The following NOS1 variants were observed in gnomAD, a reference collection of about 807,000 sequenced individuals.
NOS1 encodes the protein nitric oxide synthase 1.
NOS1 carries 51 observed loss-of-function variants against 164.5 expected under a neutral mutation model. The observed-to-expected ratio is 0.31, with a 90% CI of 0.25 to 0.39. The LOEUF (loss-of-function observed/expected upper bound fraction) is 0.39. NOS1 is among the 10% of genes least tolerant of loss of function. The pLI is 1.00. For missense variants in NOS1, 1,362 were observed against 1,885.6 expected, an observed-to-expected ratio of 0.72 and a Z score of 5.14; for synonymous variants, 719 against 745.8, an observed-to-expected ratio of 0.96 and a Z score of 0.59.
chr12:117,269,842 C>T (rs980923474), intron 10 of NOS1, among the ~76,000 whole-genome samples: 2 of 152,164 alleles, frequency 1.3e-5, no homozygotes, highest in African/African-American at 4.8e-5. Context: ...TTCATCTATC[C>T]TACTCTACCC....
Position 117,234,481 on chromosome 12 carries a change from T to C in NOS1, c.3235+84A>G, listed in dbSNP as rs1869531113. 2 of 1,411,126 alleles carry C rather than the reference T, an allele frequency of 1.4e-6. No homozygotes were observed. Among genetic ancestry groups the C allele is most frequent in the East Asian group, 2.3e-5 (1 of 43,288 alleles). The allele number at this position is 1,411,126 out of a possible 1,614,324, so 87.4% of individuals were successfully genotyped here. A position where few individuals can be genotyped will look rare whatever the true frequency, so the allele number is the denominator to read the frequency against. On this transcript the variant is annotated intron_variant, in intron 21 of 28. Coordinates refer to ENST00000317775, the MANE Select transcript of NOS1 (RefSeq NM_000620.5). This position sits in a 1 kb window ranked among gnomAD's most constrained non-coding sequence, Gnocchi z 4.3. The stretch of plus-strand genomic sequence containing the variant: ...CCCACTCTCCTGCCTGGACTGGTGA[T>C]TGGGAAGAAAAGGTATCTTCTTCCC...
chr12:117,324,250 C>T (rs538242952), intron 2 of NOS1, among the ~76,000 whole-genome samples: 34 of 152,254 alleles, frequency 2.2e-4, no homozygotes, highest in African/African-American at 7.5e-4. Context: ...CAGACACTCT[C>T]GGAAGAGGTT....
intron 27 of NOS1, among the ~76,000 whole-genome samples, chr12:117,219,444 C>A (rs577870388): frequency 2.0e-5 from 3 of 152,212 alleles, no homozygotes; most frequent in African/African-American, 7.2e-5. Context: ...GTAGCTGGGG[C>A]TACAGGTGCC....
At position 117,269,460 on chromosome 12, in the gene NOS1, A is replaced by ATTT. The variant is rs200222625; in HGVS notation, c.1840-1319_1840-1317dup. On this transcript the variant is annotated intron_variant, in intron 10 of 28. Coordinates refer to ENST00000317775, the MANE Select transcript of NOS1 (RefSeq NM_000620.5). Reference sequence around the variant, plus strand: ...GGCCCAGGGGGCAGGATCTCTGGAGATTTGTTTTTTTTTTTTTTTTTTTTT... The same window carrying ATTT: ...GGCCCAGGGGGCAGGATCTCTGGAGATTTTTTGTTTTTTTTTTTTTTTTTTTTT... Among the ~76,000 whole-genome samples the ATTT allele has an allele frequency of 9.0e-4, 99 of 110,006 alleles. 12 individuals carry two copies. Among genetic ancestry groups the ATTT allele is most frequent in the Non-Finnish European group, 8.4e-4 (50 of 59,390 alleles). The allele number at this position is 110,006 out of a possible 152,430, so 72.2% of individuals were successfully genotyped here.
intron 10 of NOS1, among the ~76,000 whole-genome samples, chr12:117,268,958 A>C (rs1353854726): frequency 6.6e-6 from 1 of 152,164 alleles, no homozygotes; most frequent in Non-Finnish European, 1.5e-5. Context: ...AAAATTTAAA[A>C]AGTTAAAATT....
intron 3 of NOS1, among the ~76,000 whole-genome samples, chr12:117,290,863 T>C (rs1330739586): frequency 6.6e-6 from 1 of 152,062 alleles, no homozygotes; most frequent in Non-Finnish European, 1.5e-5. Flanking sequence ...GGCCTTTCTG[T>C]GACAGTCCAA....
intron 27 of NOS1, among the ~76,000 whole-genome samples, chr12:117,218,797 G>T (rs1044911351): frequency 6.6e-6 from 1 of 152,080 alleles, no homozygotes; most frequent in African/African-American, 2.4e-5. Context: ...CAAGCTATGG[G>T]AGCTCCTGTG....
At chr12:117,344,867 G>A (rs1188424089) in intron 1 of NOS1, among the ~76,000 whole-genome samples, 1 of 152,176 alleles carries the variant, frequency 6.6e-6, no homozygotes, top group Admixed American at 6.5e-5. Context: ...AACAAGGGTA[G>A]AAGTCACTGG....
chr12:117,212,943 T>C lies in NOS1; in HGVS notation c.*2366A>G. ...GCCTGGAGTTGTGAAGCAGCTTGTGTTGGGGATTGAAAGGTGTTTACTTAA... is the reference window on the plus strand; with the variant it reads ...GCCTGGAGTTGTGAAGCAGCTTGTGCTGGGGATTGAAAGGTGTTTACTTAA... On this transcript the variant is annotated 3_prime_UTR_variant, in exon 29 of 29. Transcript: ENST00000317775. 2 of 985,286 alleles carry C rather than the reference T, an allele frequency of 2.0e-6. No homozygotes were observed. The highest frequency in any genetic ancestry group is 2.4e-6 in the Non-Finnish European group (2 of 829,904). The allele number at this position is 985,286 out of a possible 1,614,324, so 61.0% of individuals were successfully genotyped here.
At chr12:117,307,895 A>G (rs1874232821) in intron 3 of NOS1, among the ~76,000 whole-genome samples, 1 of 151,866 alleles carries the variant, frequency 6.6e-6, no homozygotes, top group African/African-American at 2.4e-5. Context: ...CACACCTGTA[A>G]TTCCAGCTAC....
At chr12:117,293,467 C>T (rs1873196968) in intron 3 of NOS1, among the ~76,000 whole-genome samples, 1 of 152,114 alleles carries the variant, frequency 6.6e-6, no homozygotes. Context: ...CTCCTCTCCC[C>T]TTCCACTGGC....
At chr12:117,338,683 T>C (rs192537046) in intron 1 of NOS1, among the ~76,000 whole-genome samples, 2 of 152,258 alleles carry the variant, frequency 1.3e-5, no homozygotes, top group Admixed American at 1.3e-4. Context: ...GAGGCAGATC[T>C]CTATCTGCAA....
At chr12:117,259,284 C>G (rs1238592998) in intron 14 of NOS1, among the ~76,000 whole-genome samples, 154 bp from the exon 15 acceptor site, 1 of 152,094 alleles carries the variant, frequency 6.6e-6, no homozygotes, top group African/African-American at 2.4e-5. Flanking sequence ...GAAGGAGAAC[C>G]AAAAGATCTG....
rs1278581110 is a variant in NOS1, at chr12:117,208,482, G to A, written c.*6827C>T. On this transcript the variant is annotated 3_prime_UTR_variant, in exon 29 of 29. Coordinates refer to ENST00000317775, the MANE Select transcript of NOS1 (RefSeq NM_000620.5). ...TTCCCAAGCCCGGAACGGACACTGCGACGTGGGGTGCCCGGCACCGCTCTT... is the reference window on the plus strand; with the variant it reads ...TTCCCAAGCCCGGAACGGACACTGCAACGTGGGGTGCCCGGCACCGCTCTT... The A allele has an allele frequency of 5.5e-6, 7 of 1,263,704 alleles. No homozygotes were observed. The highest frequency in any genetic ancestry group is 7.2e-6 in the Non-Finnish European group (7 of 973,258). The allele number at this position is 1,263,704 out of a possible 1,614,324, so 78.3% of individuals were successfully genotyped here. A position where few individuals can be genotyped will look rare whatever the true frequency, so the allele number is the denominator to read the frequency against.
chr12:117,219,412 T>G (rs771258461), intron 27 of NOS1, among the ~76,000 whole-genome samples: 2 of 152,044 alleles, frequency 1.3e-5, no homozygotes, highest in Non-Finnish European at 2.9e-5. Context: ...GTTCAAGCAA[T>G]TCTCCTTCCT....
rs61154584 is a variant in NOS1, at chr12:117,279,386, C to A, written c.1525-1288G>T. 7.2e-3 allele frequency among the ~76,000 whole-genome samples: 1,075 copies of A among 149,998 alleles called. 79 individuals are homozygous for A. The East Asian group carries it at 0.18, about 25-fold the overall frequency. On this transcript the variant is annotated intron_variant, in intron 8 of 28. Transcript: ENST00000317775. The stretch of plus-strand genomic sequence containing the variant: ...CCATCTCAAAAAACAAAAAAAAAAC[C>A]AAAAAAAACAAACCAAGATCAATGA...
intron 13 of NOS1, among the ~76,000 whole-genome samples, chr12:117,262,450 G>A (rs1489423797): frequency 1.4e-5 from 2 of 143,478 alleles, no homozygotes; most frequent in African/African-American, 5.3e-5. Flanking sequence ...GAGAGAGACA[G>A]AGAGAGGAGA....
At chr12:117,312,857 T>TATCATC (rs751741432) in intron 2 of NOS1, among the ~76,000 whole-genome samples, 1 of 151,900 alleles carries the variant, frequency 6.6e-6, no homozygotes, top group African/African-American at 2.4e-5. Flanking sequence ...GGGCTGTCAC[T>TATCATC]ATCATCATCA....
Position 117,212,689 on chromosome 12 carries a change from C to G in NOS1, c.*2620G>C. 1 of 985,390 alleles carries G rather than the reference C, an allele frequency of 1.0e-6. No individual in the cohort carries two copies. The highest frequency in any genetic ancestry group is 4.7e-5 in the South Asian group (1 of 21,288). The allele number at this position is 985,390 out of a possible 1,614,324, so 61.0% of individuals were successfully genotyped here. ...AATAACCCCCAAATATCTTGTCAAC[C>G]CTATTTTGCTTACCCATTGCTTAAT... On this transcript the variant is annotated 3_prime_UTR_variant, in exon 29 of 29. Transcript: ENST00000317775.
Sources: allele counts gnomAD v4.1 joint callset (sites outside exome capture counted in the v4.1 genomes callset), GRCh38; gene constraint gnomAD v4.1.1; non-coding constraint Gnocchi (gnomAD v3.1); transcripts MANE v1.5; gene names NCBI Gene and HGNC (gene_info 2026-07-23, HGNC 2026-07-21).